GPHN: variants seen among roughly 807,000 people sequenced by gnomAD.
The protein encoded by GPHN is gephyrin.
In GPHN, 17 loss-of-function variants were observed where a neutral mutation model predicts 95.5. The observed-to-expected ratio is 0.18, with a 90% CI of 0.12 to 0.27. The LOEUF (loss-of-function observed/expected upper bound fraction) is 0.27. Among genes scored for constraint, GPHN ranks in the 10% least tolerant of loss-of-function variants. GPHN has a pLI of 1.00. For missense variants in GPHN, 660 were observed against 978.1 expected, an observed-to-expected ratio of 0.67 and a Z score of 4.34; for synonymous variants, 320 against 322.5, an observed-to-expected ratio of 0.99 and a Z score of 0.08.
chr14:67,188,661 G>A, the GPHN span, among the ~76,000 whole-genome samples: 2 of 152,008 alleles, frequency 1.3e-5, no homozygotes, highest in Non-Finnish European at 2.9e-5. Context: ...ACAATAACAG[G>A]GGAACCACTC....
intron 11 of GPHN, among the ~76,000 whole-genome samples, chr14:67,085,748 A>G (rs1228899909): frequency 6.6e-6 from 1 of 152,200 alleles, no homozygotes; most frequent in African/African-American, 2.4e-5. Flanking sequence ...TTTTAAGTGT[A>G]TGGTTCAATA....
At chr14:66,603,313 T>C (rs1242990557) in intron 1 of GPHN, among the ~76,000 whole-genome samples, 2 of 151,774 alleles carry the variant, frequency 1.3e-5, no homozygotes, top group African/African-American at 2.4e-5. Flanking sequence ...ATTTTCAGGG[T>C]TTTTTTGTGT....
At chr14:67,097,769 T>C (rs878886751) in intron 12 of GPHN, among the ~76,000 whole-genome samples, 2 of 152,128 alleles carry the variant, frequency 1.3e-5, no homozygotes, top group Admixed American at 1.3e-4. Context: ...AATATCTGCC[T>C]CTCCTGATGC....
chr14:66,673,810 T>G (rs1042402628), intron 1 of GPHN, among the ~76,000 whole-genome samples: 8 of 152,220 alleles, frequency 5.3e-5, no homozygotes, highest in African/African-American at 1.9e-4. Flanking sequence ...ATTTTTTTAC[T>G]GCCCGAGAAA....
chr14:67,194,191 C>T, the GPHN span, among the ~76,000 whole-genome samples: 6 of 151,544 alleles, frequency 4.0e-5, no homozygotes, highest in Non-Finnish European at 7.4e-5. Context: ...GGTGAAATCC[C>T]GTCTCTACAA....
At chr14:67,115,550 T>C (rs2078635630) in intron 16 of GPHN, among the ~76,000 whole-genome samples, 1 of 152,124 alleles carries the variant, frequency 6.6e-6, no homozygotes, top group Non-Finnish European at 1.5e-5. Flanking sequence ...CTGACCAACA[T>C]GGTGAAACCC....
intron 10 of GPHN, among the ~76,000 whole-genome samples, chr14:67,036,820 G>A (rs1196667526): frequency 2.4e-4 from 37 of 151,830 alleles, no homozygotes; most frequent in Non-Finnish European, 4.0e-4. Context: ...TGGATTCATG[G>A]ATGGAAAGAC....
chr14:67,576,023 G>A, the GPHN span: 1 of 1,581,100 alleles, frequency 6.3e-7, no homozygotes, highest in East Asian at 2.3e-5. This position sits in a 1 kb window ranked among gnomAD's most constrained non-coding sequence, Gnocchi z 4.0. Context: ...AGAGGGCTGG[G>A]CCTCCAGGGC....
At chr14:67,723,459 T>C in the GPHN span, among the ~76,000 whole-genome samples, 1 of 152,148 alleles carries the variant, frequency 6.6e-6, no homozygotes. Context: ...GGTCTCAAAC[T>C]CCTGGGCTTA....
the GPHN span, among the ~76,000 whole-genome samples, chr14:67,234,037 A>G: frequency 6.6e-6 from 1 of 152,230 alleles, no homozygotes; most frequent in Non-Finnish European, 1.5e-5. Context: ...AAAGACAAAC[A>G]GTTAATACAT....
At chr14:67,054,422 T>C (rs2075452809) in intron 10 of GPHN, among the ~76,000 whole-genome samples, 1 of 152,096 alleles carries the variant, frequency 6.6e-6, no homozygotes, top group Admixed American at 6.5e-5. Context: ...CAAGGAGAAC[T>C]ACAAACTGCT....
chr14:67,072,600 C>A (rs1228143873), intron 11 of GPHN, among the ~76,000 whole-genome samples: 3 of 152,000 alleles, frequency 2.0e-5, no homozygotes, highest in Non-Finnish European at 4.4e-5. Flanking sequence ...ATCAGAGACA[C>A]AAAGATTCTA....
chr14:67,199,503 A>G, the GPHN span: 4 of 1,612,786 alleles, frequency 2.5e-6, no homozygotes, highest in East Asian at 2.2e-5. Flanking sequence ...GCCTTTATTA[A>G]TTTTGCTTCA....
At chr14:67,213,283 T>G in the GPHN span, among the ~76,000 whole-genome samples, 13 of 149,504 alleles carry the variant, frequency 8.7e-5, no homozygotes, top group Admixed American at 7.3e-4. Flanking sequence ...CATTTAGCAT[T>G]AGGTATATCT....
At chr14:67,118,426 C>G (rs2078812647) in intron 16 of GPHN, among the ~76,000 whole-genome samples, 1 of 152,008 alleles carries the variant, frequency 6.6e-6, no homozygotes, top group Non-Finnish European at 1.5e-5. Context: ...TGATAAGTGT[C>G]CAAAGATTTA....
chr14:67,586,763 AG>A, the GPHN span: 18 of 1,310,762 alleles, frequency 1.4e-5, no homozygotes, highest in Non-Finnish European at 1.8e-5. Flanking sequence ...GCTAAAGGGG[AG>A]GATCTCCAGA....
At chr14:67,584,148 C>T in the GPHN span, 2 of 1,609,484 alleles carry the variant, frequency 1.2e-6, no homozygotes, top group South Asian at 1.1e-5. Context: ...GAAGGAGCTG[C>T]CCACACCCTT....
chr14:67,021,943 A>G lies in GPHN; in HGVS notation c.964-1690A>G, dbSNP rs543916966. ...CTTGACTTCCATTTGACTTCTTTGA[A>G]CTCTGTTTTTGTCTTTTAACATTTC... On this transcript the variant is annotated intron_variant, in intron 9 of 22. Coordinates refer to ENST00000478722, the MANE Select transcript of GPHN (RefSeq NM_020806.5). Among the ~76,000 whole-genome samples the G allele has an allele frequency of 1.9e-4, 29 of 150,982 alleles. No homozygotes were observed. In the South Asian group the frequency reaches 5.9e-3, roughly 31 times the overall value.
the GPHN span, among the ~76,000 whole-genome samples, chr14:67,669,548 C>A: frequency 6.7e-6 from 1 of 148,392 alleles, no homozygotes; most frequent in Non-Finnish European, 1.5e-5. Flanking sequence ...ATTACAGGCA[C>A]GAGCCACCAC....
Sources: gnomAD v4.1 joint callset for allele counts (sites outside exome capture counted in the v4.1 genomes callset) on GRCh38, gnomAD v4.1.1 for gene constraint, Gnocchi (gnomAD v3.1) non-coding constraint, MANE v1.5 for transcripts, NCBI Gene and HGNC (gene_info 2026-07-23, HGNC 2026-07-21) for gene names.